The following JADE2 variants were observed in gnomAD, a reference collection of about 807,000 sequenced individuals.
JADE2 encodes the protein E3 ubiquitin-protein ligase Jade-2.
In JADE2, 13 loss-of-function variants were observed where a neutral mutation model predicts 85.7. The observed-to-expected ratio is 0.15, with a 90% CI of 0.10 to 0.24. The LOEUF is 0.24. Ranked by LOEUF, JADE2 falls within the 10% of genes least tolerant of loss-of-function variation. The pLI, the probability that JADE2 is intolerant of heterozygous loss-of-function variation, is 1.00. For synonymous variants in JADE2, 440 were observed against 456.1 expected (o/e 0.96, Z 0.45); for missense variants, 846 against 1,115.9 (o/e 0.76, Z 3.45).
chr5:134,558,984 G>A lies in JADE2; in HGVS notation c.312-846G>A, dbSNP rs1027094175. Among the ~76,000 whole-genome samples, 5 of 152,312 alleles carry A rather than the reference G, an allele frequency of 3.3e-5. No homozygotes were observed. In the South Asian group the frequency reaches 6.2e-4, roughly 19 times the overall value. ...GCAGGCCTCTCCAAGCTGCCTCAGCGGCAGAGCTGTGGCCACAAAGGAAGG... is the reference window on the plus strand; with the variant it reads ...GCAGGCCTCTCCAAGCTGCCTCAGCAGCAGAGCTGTGGCCACAAAGGAAGG... On this transcript the variant is annotated intron_variant, in intron 4 of 11. Transcript: ENST00000681547.
At chr5:134,563,548 C>T (rs1301444297) in intron 7 of JADE2, among the ~76,000 whole-genome samples, 1 of 152,202 alleles carries the variant, frequency 6.6e-6, no homozygotes, top group African/African-American at 2.4e-5. Context: ...AGTTTCAGCC[C>T]CAGCCCTGCT....
chr5:134,554,783 C>G (rs1317352398), intron 4 of JADE2, among the ~76,000 whole-genome samples: 1 of 152,186 alleles, frequency 6.6e-6, no homozygotes, highest in Non-Finnish European at 1.5e-5. Context: ...ATCCTCCTGG[C>G]ACCTCCCACT....
Position 134,579,396 on chromosome 5 carries a change from C to A in JADE2, c.*79C>A. On this transcript the variant is annotated 3_prime_UTR_variant, in exon 12 of 12. Coordinates refer to ENST00000681547, the MANE Select transcript of JADE2 (RefSeq NM_001388185.1). This position sits in a 1 kb window ranked among gnomAD's most constrained non-coding sequence, Gnocchi z 4.6. ...CCCAGTCACAACTGCCATTTCCAGTCTCTGCTGAGTGTCCCAGACCCTCGA... is the reference window on the plus strand; with the variant it reads ...CCCAGTCACAACTGCCATTTCCAGTATCTGCTGAGTGTCCCAGACCCTCGA... The A allele has an allele frequency of 8.5e-7, 1 of 1,170,034 alleles. No individual in the cohort carries two copies. The highest frequency in any genetic ancestry group is 1.2e-6 in the Non-Finnish European group (1 of 846,174). The allele number at this position is 1,170,034 out of a possible 1,614,324, so 72.5% of individuals were successfully genotyped here. A position where few individuals can be genotyped will look rare whatever the true frequency, so the allele number is the denominator to read the frequency against.
At chr5:134,537,319 G>A (rs1761656795) in intron 2 of JADE2, among the ~76,000 whole-genome samples, 1 of 152,234 alleles carries the variant, frequency 6.6e-6, no homozygotes, top group Non-Finnish European at 1.5e-5. Context: ...TCCAGCAAGG[G>A]CCTTAGACCC....
chr5:134,531,201 G>A (rs1761212172), intron 1 of JADE2, among the ~76,000 whole-genome samples: 1 of 152,222 alleles, frequency 6.6e-6, no homozygotes, highest in Non-Finnish European at 1.5e-5. Flanking sequence ...AGTACAGCGT[G>A]TGCACAGGGC....
At chr5:134,535,017 A>G (rs961920710) in intron 1 of JADE2, among the ~76,000 whole-genome samples, 3 of 152,228 alleles carry the variant, frequency 2.0e-5, no homozygotes, top group Non-Finnish European at 4.4e-5. Context: ...TCATGGATTC[A>G]GTCCCATCTC....
intron 3 of JADE2, among the ~76,000 whole-genome samples, chr5:134,544,949 G>A (rs562024517): frequency 6.6e-6 from 1 of 152,336 alleles, no homozygotes; most frequent in African/African-American, 2.4e-5. Context: ...CCAAACCACA[G>A]GATAAATAAG....
intron 2 of JADE2, among the ~76,000 whole-genome samples, chr5:134,536,287 C>T (rs1046176272): frequency 1.0e-3 from 154 of 152,244 alleles, no homozygotes; most frequent in African/African-American, 3.4e-3. Context: ...CCATAATTAC[C>T]GGATAAGTAC....
intron 4 of JADE2, among the ~76,000 whole-genome samples, chr5:134,553,197 CT>C (rs1561743031): frequency 6.6e-6 from 1 of 151,996 alleles, no homozygotes; most frequent in Non-Finnish European, 1.5e-5. Context: ...TCTCTAACTC[CT>C]GGGCTCAAGC....
chr5:134,559,026 T>A (rs192291725), intron 4 of JADE2, among the ~76,000 whole-genome samples: 1 of 152,296 alleles, frequency 6.6e-6, no homozygotes, highest in East Asian at 1.9e-4. Context: ...TGGGGAGGGA[T>A]CCTGGGACTG....
At chr5:134,535,228 A>G (rs1341891412) in intron 1 of JADE2, among the ~76,000 whole-genome samples, 2 of 152,172 alleles carry the variant, frequency 1.3e-5, no homozygotes, top group African/African-American at 4.8e-5. Context: ...TTATCTGGGA[A>G]GGATGGTGGG....
At chr5:134,558,268 A>C (rs975129223) in intron 4 of JADE2, among the ~76,000 whole-genome samples, 61 of 129,104 alleles carry the variant, frequency 4.7e-4, no homozygotes, top group Non-Finnish European at 7.9e-4. Context: ...TTCATTGTAG[A>C]TTCTGGATAT....
Position 134,566,681 on chromosome 5 carries a change from C to G in JADE2, c.1434+101C>G. 2.2e-6 allele frequency: 2 copies of G among 909,440 alleles called. No individual in the cohort carries two copies. The highest frequency in any genetic ancestry group is 3.2e-6 in the Non-Finnish European group (2 of 615,384). 56.3% of individuals were successfully genotyped at this position (909,440 alleles called of 1,614,324 possible). Reference sequence around the variant, plus strand: ...GGAGCAGCTAGGACTCACCAGGACTCAAACTGTGAGCTCTGGTGGACCGGC... The same window carrying G: ...GGAGCAGCTAGGACTCACCAGGACTGAAACTGTGAGCTCTGGTGGACCGGC... On this transcript the variant is annotated intron_variant, in intron 9 of 11. Coordinates refer to ENST00000681547, the MANE Select transcript of JADE2 (RefSeq NM_001388185.1). The surrounding 1 kb of genome is among the most constrained non-coding windows in gnomAD (Gnocchi z 6.7).
At chr5:134,572,167 AGTAG>A (rs1357865344) in intron 9 of JADE2, among the ~76,000 whole-genome samples, 1 of 152,194 alleles carries the variant, frequency 6.6e-6, no homozygotes, top group Non-Finnish European at 1.5e-5. Flanking sequence ...GGTTCATCCC[AGTAG>A]GGTGGGACCG....
intron 1 of JADE2, among the ~76,000 whole-genome samples, chr5:134,535,303 C>T (rs1184998119): frequency 6.6e-6 from 1 of 152,150 alleles, no homozygotes; most frequent in African/African-American, 2.4e-5. Context: ...TCTCAGGGAC[C>T]CAGCCTGGAG....
intron 9 of JADE2, among the ~76,000 whole-genome samples, chr5:134,570,422 A>T (rs1056493544): frequency 2.6e-5 from 4 of 151,880 alleles, no homozygotes; most frequent in African/African-American, 9.7e-5. Context: ...CCAATATTTG[A>T]ATCTGTTCAA....
chr5:134,546,651 C>T (rs1762309476), intron 3 of JADE2, among the ~76,000 whole-genome samples: 1 of 151,750 alleles, frequency 6.6e-6, no homozygotes, highest in East Asian at 1.9e-4. Flanking sequence ...GCCTGTAATC[C>T]CAGCTACTCA....
chr5:134,563,988 C>G (rs1252147329), intron 7 of JADE2, among the ~76,000 whole-genome samples: 1 of 152,170 alleles, frequency 6.6e-6, no homozygotes, highest in East Asian at 1.9e-4. Context: ...GGCATATCCC[C>G]AGGAGAGCCC....
intron 1 of JADE2, chr5:134,533,653 G>A (rs1268222338): frequency 2.3e-6 from 2 of 874,674 alleles, no homozygotes; most frequent in Non-Finnish European, 2.7e-6. Flanking sequence ...AAGCTGGGTT[G>A]CGCTGGGCTG....
Sources: gnomAD v4.1 joint callset for allele counts (sites outside exome capture counted in the v4.1 genomes callset) on GRCh38, gnomAD v4.1.1 for gene constraint, Gnocchi (gnomAD v3.1) non-coding constraint, MANE v1.5 for transcripts, NCBI Gene and HGNC (gene_info 2026-07-23, HGNC 2026-07-21) for gene names.